Variants in CD33 observed in about 807,000 individuals in gnomAD.
CD33 encodes myeloid cell surface antigen CD33.
In CD33, 25 loss-of-function variants were observed where a neutral mutation model predicts 31.4. That is an observed-to-expected ratio of 0.80 (90% CI 0.58 to 1.11). CD33 has a LOEUF of 1.11. CD33 is among the 50% of genes most tolerant of loss of function. CD33 has a pLI of 0.00. For synonymous variants in CD33, 176 were observed against 180.6 expected (o/e 0.97, Z 0.20); for missense variants, 407 against 448.1 (o/e 0.91, Z 0.83).
chr19:51,216,223 AGTGTGT>A, the CD33 span, among the ~76,000 whole-genome samples: 1,689 of 128,420 alleles, frequency 0.013, 33 homozygotes, highest in East Asian at 0.067. Context: ...ATGTCACCCG[AGTGTGT>A]GTGTGTGTGT....
At chr19:51,221,286 T>C (rs1307761999), upstream of CD33, among the ~76,000 whole-genome samples, 1 of 151,974 alleles carries the variant, frequency 6.6e-6, no homozygotes, top group East Asian at 1.9e-4. Context: ...AACACAATAT[T>C]TTAAAAAGGT....
intron 4 of CD33, among the ~76,000 whole-genome samples, chr19:51,226,557 C>T (rs1266369588): frequency 6.6e-6 from 1 of 152,092 alleles, no homozygotes; most frequent in Admixed American, 6.5e-5. Flanking sequence ...TCTTTGTCTC[C>T]CTCCTGTCTC....
At chr19:51,226,437 C>A in intron 4 of CD33, 81 bp downstream of exon 4, 1 of 1,284,660 alleles carries the variant, frequency 7.8e-7, no homozygotes, top group Non-Finnish European at 1.1e-6. Context: ...CTTTCAGAGT[C>A]AAATGTTCAG....
chr19:51,220,259 T>G (rs1980623121), upstream of CD33, among the ~76,000 whole-genome samples: 1 of 152,202 alleles, frequency 6.6e-6, no homozygotes, highest in South Asian at 2.1e-4. Context: ...TTCTAGGAAT[T>G]TATGCATTTC....
chr19:51,220,503 G>A (rs1161782488), upstream of CD33, among the ~76,000 whole-genome samples: 1 of 152,132 alleles, frequency 6.6e-6, no homozygotes, highest in Non-Finnish European at 1.5e-5. Context: ...GGGCCACATG[G>A]CCTCGCCTCC....
At chr19:51,226,772 T>A (rs1164690083) in intron 4 of CD33, among the ~76,000 whole-genome samples, 1 of 152,022 alleles carries the variant, frequency 6.6e-6, no homozygotes, top group Non-Finnish European at 1.5e-5. Context: ...CTATTATTGT[T>A]AAGCATAGTC....
chr19:51,227,951 C>T (rs953171635), intron 4 of CD33, among the ~76,000 whole-genome samples: 5 of 152,120 alleles, frequency 3.3e-5, no homozygotes, highest in East Asian at 1.9e-4. Flanking sequence ...CCAGTTTTCC[C>T]AGCATCATTT....
At chr19:51,235,852 A>G (rs1412311095) in intron 6 of CD33, 176 bp downstream of exon 6, 1 of 718,708 alleles carries the variant, frequency 1.4e-6, no homozygotes, top group Non-Finnish European at 2.5e-6. Context: ...TCAGGAGATG[A>G]TGGCCATTGA....
intron 6 of CD33, chr19:51,236,109 C>T (rs1031014850): frequency 4.4e-6 from 2 of 450,808 alleles, no homozygotes; most frequent in African/African-American, 4.0e-5. Flanking sequence ...AGTGAGCCGA[C>T]ATAGCACCAC....
intron 5 of CD33, 75 bp downstream of exon 5, chr19:51,235,328 G>T: frequency 7.1e-7 from 1 of 1,411,864 alleles, no homozygotes; most frequent in Non-Finnish European, 1.0e-6. Flanking sequence ...TCCTGGAGGG[G>T]CTGTGAGGGC....
At chr19:51,214,805 T>G in the CD33 span, among the ~76,000 whole-genome samples, 8 of 152,212 alleles carry the variant, frequency 5.3e-5, no homozygotes, top group Non-Finnish European at 1.2e-4. Context: ...TCTGATAGTG[T>G]CAATCACTAA....
chr19:51,225,496 G>A lies in CD33; in HGVS notation c.316G>A (p.Val106Ile), dbSNP rs777078902. ...TAGGAACAACTGCTCCCTGAGCATC[G>A]TAGACGCCAGGAGGAGGGATAATGG... ...PSRNNCSLSI[V>I]DARRRDNGSY... The change falls in exon 2 of 7, where the codon GTA becomes ATA. Residue 106 changes from valine (V) to isoleucine (I), a missense_variant. Coordinates refer to ENST00000262262, the MANE Select transcript of CD33 (RefSeq NM_001772.4). The A allele has an allele frequency of 5.6e-6, 9 of 1,613,264 alleles. No homozygotes were observed. Among genetic ancestry groups the A allele is most frequent in the East Asian group, 2.2e-5 (1 of 44,888 alleles).
intron 4 of CD33, among the ~76,000 whole-genome samples, chr19:51,229,682 A>G (rs1270790147): frequency 2.0e-5 from 3 of 151,912 alleles, no homozygotes; most frequent in African/African-American, 7.2e-5. Flanking sequence ...TTGTTGGCAT[A>G]TTGTTCATAG....
chr19:51,223,802 A>C (rs1980805068), upstream of CD33, among the ~76,000 whole-genome samples: 1 of 152,264 alleles, frequency 6.6e-6, no homozygotes, highest in African/African-American at 2.4e-5. Flanking sequence ...ACTAGGTGCC[A>C]GGGGAAAATT....
chr19:51,217,134 A>G, the CD33 span, among the ~76,000 whole-genome samples: 2 of 152,184 alleles, frequency 1.3e-5, no homozygotes, highest in African/African-American at 4.8e-5. Flanking sequence ...CTCCCTGGCG[A>G]GAGCAGGCCT....
the CD33 span, among the ~76,000 whole-genome samples, chr19:51,214,329 C>G: frequency 1.3e-5 from 2 of 151,830 alleles, no homozygotes; most frequent in African/African-American, 4.8e-5. Context: ...TCCTGAGTAG[C>G]TGGGATTACA....
At position 51,225,486 on chromosome 19, in the gene CD33, C is replaced by T; in HGVS notation, c.306C>T (p.Ser102=). Residue 102 remains serine, a synonymous_variant, in exon 2 of 7, where the codon TCC becomes TCT. Transcript: ENST00000262262. ...GGGATCCCAGTAGGAACAACTGCTC[C>T]CTGAGCATCGTAGACGCCAGGAGGA... is the stretch of plus-strand genomic sequence containing the variant. The part of the protein sequence containing the change: ...LLGDPSRNNC[S]LSIVDARRRD... 6.2e-7 allele frequency: 1 copy of T among 1,613,722 alleles called. No individual in the cohort carries two copies. The highest frequency in any genetic ancestry group is 1.3e-5 in the African/African-American group (1 of 75,020).
chr19:51,239,473 C>A, intron 6 of CD33, 45 bp from the exon 7 acceptor site: 1 of 1,449,860 alleles, frequency 6.9e-7, no homozygotes, highest in Non-Finnish European at 9.2e-7. Flanking sequence ...TCCTGGTCCC[C>A]CTCCTCACTG....
chr19:51,235,728 C>T lies in CD33; in HGVS notation c.924+52C>T, dbSNP rs1482418388. 3.5e-6 allele frequency: 5 copies of T among 1,421,786 alleles called. No individual in the cohort carries two copies. In the African/African-American group the frequency reaches 7.1e-5, roughly 20 times the overall value. 88.1% of individuals were successfully genotyped at this position (1,421,786 alleles called of 1,614,324 possible). Reference sequence around the variant, plus strand: ...AGTCTGTCCTGCAGACACCTCCTCCCAATGTGGCCCACCGTCATGCCCCAT... The same window carrying T: ...AGTCTGTCCTGCAGACACCTCCTCCTAATGTGGCCCACCGTCATGCCCCAT... On this transcript the variant is annotated intron_variant, in intron 6 of 6. Transcript: ENST00000262262.
Sources: gnomAD v4.1 joint callset for allele counts (sites outside exome capture counted in the v4.1 genomes callset) on GRCh38, gnomAD v4.1.1 for gene constraint, MANE v1.5 for transcripts, NCBI Gene and HGNC (gene_info 2026-07-23, HGNC 2026-07-21) for gene names.